RORA: variants seen among roughly 807,000 people sequenced by gnomAD.
The protein encoded by RORA is nuclear receptor ROR-alpha.
A neutral mutation model predicts 69.5 loss-of-function variants in RORA; 7 were observed. The observed-to-expected ratio is 0.10, with a 90% CI of 0.06 to 0.19. The LOEUF (loss-of-function observed/expected upper bound fraction) is 0.19, where lower values mean the gene tolerates loss of function less well. RORA is among the 10% of genes least tolerant of loss of function. The probability of loss-of-function intolerance (pLI) is 1.00; values close to 1 mark genes in which losing one functional copy is unlikely to be tolerated. For synonymous variants in RORA, 261 were observed against 240.8 expected (o/e 1.08, Z -0.78); for missense variants, 457 against 663.0 (o/e 0.69, Z 3.41).
chr15:61,080,220 T>C (rs1295489391), intron 1 of RORA, among the ~76,000 whole-genome samples: 2 of 152,192 alleles, frequency 1.3e-5, no homozygotes, highest in Non-Finnish European at 2.9e-5. Flanking sequence ...AAATTTCACC[T>C]GGTTAACCTT....
At chr15:61,036,118 A>T (rs1896447718) in intron 1 of RORA, among the ~76,000 whole-genome samples, 1 of 152,110 alleles carries the variant, frequency 6.6e-6, no homozygotes, top group African/African-American at 2.4e-5. Flanking sequence ...GACCGCATTA[A>T]CCCCAGAAGC....
chr15:60,814,679 T>C (rs937930597), intron 1 of RORA, among the ~76,000 whole-genome samples: 3 of 152,176 alleles, frequency 2.0e-5, no homozygotes, highest in Admixed American at 6.5e-5. Flanking sequence ...CTGAAAATAG[T>C]GGCCTCTCTG....
chr15:61,064,554 A>G (rs1224367280), intron 1 of RORA, among the ~76,000 whole-genome samples: 1 of 152,068 alleles, frequency 6.6e-6, no homozygotes, highest in Non-Finnish European at 1.5e-5. Flanking sequence ...CTCGCTCTAT[A>G]TTGATTCTGC....
intron 1 of RORA, among the ~76,000 whole-genome samples, chr15:60,839,734 C>T (rs993993790): frequency 2.6e-5 from 4 of 152,202 alleles, no homozygotes; most frequent in African/African-American, 9.7e-5. Flanking sequence ...GAATGACTCC[C>T]CATGGAGTTG....
chr15:60,648,897 A>G (rs2070098478), intron 2 of RORA, among the ~76,000 whole-genome samples: 2 of 152,114 alleles, frequency 1.3e-5, no homozygotes, highest in South Asian at 4.2e-4. Flanking sequence ...TAATTCCAAC[A>G]CTTAAACTGC....
chr15:60,734,269 C>T (rs2071469403), intron 1 of RORA, among the ~76,000 whole-genome samples: 1 of 152,140 alleles, frequency 6.6e-6, no homozygotes, highest in South Asian at 2.1e-4. Flanking sequence ...TCTCCCCAGT[C>T]CTACTGAATC....
intron 1 of RORA, among the ~76,000 whole-genome samples, chr15:60,857,127 C>T (rs749358171): frequency 9.2e-5 from 14 of 152,160 alleles, no homozygotes; most frequent in South Asian, 6.2e-4. Context: ...ACCTTGCAGG[C>T]TCGTGGGCCA....
intron 5 of RORA, among the ~76,000 whole-genome samples, chr15:60,506,109 T>C (rs757819782): frequency 1.1e-4 from 16 of 152,238 alleles, no homozygotes; most frequent in Non-Finnish European, 2.1e-4. Flanking sequence ...GAACAAGCAT[T>C]ACTGAGGGCC....
intron 1 of RORA, among the ~76,000 whole-genome samples, chr15:61,094,878 C>T (rs1210531195): frequency 6.6e-6 from 1 of 152,156 alleles, no homozygotes; most frequent in Admixed American, 6.5e-5. Flanking sequence ...CGTTCCTCTG[C>T]CTGAGGAAGA....
At chr15:60,887,158 G>C (rs924765842) in intron 1 of RORA, among the ~76,000 whole-genome samples, 1 of 152,152 alleles carries the variant, frequency 6.6e-6, no homozygotes, top group Non-Finnish European at 1.5e-5. Flanking sequence ...GAGAGAGAGA[G>C]AGAGAGAGAG....
rs187820289 is a variant in RORA, at chr15:61,172,257, A to G, written c.166+56796T>C. ...TTCATGCTTCCTACAATAGCAATCC[A>G]TATACGAAATGACAAACACTATAGC... On this transcript the variant is annotated intron_variant, in intron 1 of 10. Coordinates refer to ENST00000335670, the MANE Select transcript of RORA (RefSeq NM_134261.3). 3.7e-3 allele frequency among the ~76,000 whole-genome samples: 561 copies of G among 152,326 alleles called. 1 individual carries two copies. Among genetic ancestry groups the G allele is most frequent in the African/African-American group, 0.013 (543 of 41,568 alleles).
intron 1 of RORA, among the ~76,000 whole-genome samples, chr15:61,203,613 C>A (rs1190586109): frequency 6.6e-6 from 1 of 152,094 alleles, no homozygotes; most frequent in African/African-American, 2.4e-5. Flanking sequence ...ATATATCCAA[C>A]AGAAGCTTCA....
intron 1 of RORA, among the ~76,000 whole-genome samples, chr15:60,730,644 G>C (rs766421734): frequency 1.3e-5 from 2 of 152,098 alleles, no homozygotes; most frequent in Non-Finnish European, 2.9e-5. Context: ...ATGTATGTGT[G>C]TGCTCACTTG....
intron 1 of RORA, among the ~76,000 whole-genome samples, chr15:60,751,330 GT>G (rs2071720513): frequency 6.6e-6 from 1 of 152,154 alleles, no homozygotes; most frequent in South Asian, 2.1e-4. Context: ...GGAATAAGAA[GT>G]GGGACTAGCA....
At position 61,073,521 on chromosome 15, in the gene RORA, C is replaced by T. The variant is rs147109275; in HGVS notation, c.166+155532G>A. Among the ~76,000 whole-genome samples, 367 of 152,278 alleles carry T rather than the reference C, an allele frequency of 2.4e-3. 1 individual carries two copies. The highest frequency in any genetic ancestry group is 3.3e-3 in the Non-Finnish European group (223 of 68,022). On this transcript the variant is annotated intron_variant, in intron 1 of 10. Transcript: ENST00000335670. ...CCTAGCAATAGTGCCACTGTTTTTA[C>T]TGTAGGGCTGTGACTTGCCTCCACC... is the stretch of plus-strand genomic sequence containing the variant.
intron 1 of RORA, among the ~76,000 whole-genome samples, chr15:60,913,010 T>C (rs1891773889): frequency 6.6e-6 from 1 of 152,208 alleles, no homozygotes; most frequent in South Asian, 2.1e-4. Flanking sequence ...TAGAAACAAG[T>C]TCAATTTGAA....
chr15:61,085,528 G>C (rs1354889004), intron 1 of RORA, among the ~76,000 whole-genome samples: 1 of 152,210 alleles, frequency 6.6e-6, no homozygotes, highest in Non-Finnish European at 1.5e-5. Context: ...TAATTCAGTA[G>C]GTTGGGGCCA....
intron 1 of RORA, among the ~76,000 whole-genome samples, chr15:60,906,416 C>T (rs1891543768): frequency 1.3e-5 from 2 of 152,144 alleles, no homozygotes; most frequent in South Asian, 4.1e-4. Context: ...ATTAAAGTAC[C>T]ATTTGTATGT....
intron 1 of RORA, among the ~76,000 whole-genome samples, chr15:60,837,893 C>G (rs953496423): frequency 1.3e-5 from 2 of 152,156 alleles, no homozygotes; most frequent in African/African-American, 2.4e-5. Flanking sequence ...GAAGGTACAG[C>G]CTGAAGGACA....
Sources: gnomAD v4.1 joint callset for allele counts (sites outside exome capture counted in the v4.1 genomes callset) on GRCh38, gnomAD v4.1.1 for gene constraint, MANE v1.5 for transcripts, NCBI Gene and HGNC (gene_info 2026-07-23, HGNC 2026-07-21) for gene names.